ROCK1: variants seen among roughly 807,000 people sequenced by gnomAD.
ROCK1 encodes rho-associated protein kinase 1.
Under a neutral mutation model 196.8 loss-of-function variants are expected in ROCK1, and 36 were observed. The observed-to-expected ratio is 0.18, with a 90% CI of 0.14 to 0.24. ROCK1 has a LOEUF of 0.24. ROCK1 is among the 10% of genes least tolerant of loss of function. ROCK1 has a pLI of 1.00. For missense variants in ROCK1, 920 were observed against 1,562.0 expected (o/e 0.59, Z 6.93); for synonymous variants, 443 against 515.9 (o/e 0.86, Z 1.91).
intron 1 of ROCK1, among the ~76,000 whole-genome samples, chr18:21,072,799 G>A (rs1452209032): frequency 3.9e-5 from 6 of 152,082 alleles, no homozygotes; most frequent in South Asian, 2.1e-4. Context: ...GGCCAGGCAC[G>A]GTGGTTCACT....
intron 5 of ROCK1, among the ~76,000 whole-genome samples, chr18:21,044,620 C>T (rs78438607): frequency 6.6e-6 from 1 of 152,246 alleles, no homozygotes; most frequent in East Asian, 1.9e-4. Context: ...ACAAATGAAA[C>T]TATTCGTCTA....
chr18:21,016,026 T>TA (rs553707783), intron 12 of ROCK1, among the ~76,000 whole-genome samples: 56 of 151,960 alleles, frequency 3.7e-4, no homozygotes, highest in Non-Finnish European at 5.7e-4. Context: ...TAATAAACTT[T>TA]AAAAAAATAT....
chr18:20,975,696 C>T (rs548618541), intron 22 of ROCK1, among the ~76,000 whole-genome samples: 1 of 152,214 alleles, frequency 6.6e-6, no homozygotes, highest in East Asian at 1.9e-4. Context: ...CTGCAAGCTC[C>T]GCCTCCCAGG....
At chr18:21,060,746 GGA>G (rs1368182947) in intron 2 of ROCK1, among the ~76,000 whole-genome samples, 1 of 151,064 alleles carries the variant, frequency 6.6e-6, no homozygotes, top group Admixed American at 6.6e-5. Context: ...GGCTGAGGCA[GGA>G]GAACTGCTTG....
intron 22 of ROCK1, among the ~76,000 whole-genome samples, chr18:20,976,319 G>T (rs1358313457): frequency 1.3e-5 from 2 of 152,122 alleles, no homozygotes; most frequent in East Asian, 3.9e-4. Context: ...GAGTGGCTTT[G>T]TTCTTGTTCA....
At chr18:21,071,708 G>A (rs2036387312) in intron 1 of ROCK1, among the ~76,000 whole-genome samples, 1 of 152,008 alleles carries the variant, frequency 6.6e-6, no homozygotes, top group African/African-American at 2.4e-5. Flanking sequence ...AATGGTTTTT[G>A]CGTGATGCTT....
chr18:21,009,602 CAT>C (rs1465034908), intron 13 of ROCK1, among the ~76,000 whole-genome samples: 2 of 152,164 alleles, frequency 1.3e-5, no homozygotes, highest in African/African-American at 4.8e-5. Flanking sequence ...ATAGTAGGCA[CAT>C]GTTTAGTTTT....
At chr18:21,064,699 T>C (rs534717322) in intron 2 of ROCK1, among the ~76,000 whole-genome samples, 1 of 152,324 alleles carries the variant, frequency 6.6e-6, no homozygotes, top group Non-Finnish European at 1.5e-5. Context: ...TTTTAATAGA[T>C]TTATACTACT....
rs1315445817 is a variant in ROCK1, at chr18:20,959,937, A to C, written c.3424-9T>G. The C allele has an allele frequency of 6.5e-7, 1 of 1,542,362 alleles. No homozygotes were observed. The highest frequency in any genetic ancestry group is 1.7e-5 in the Admixed American group (1 of 57,826). On this transcript the variant is annotated splice_polypyrimidine_tract_variant and intron_variant, in intron 28 of 32. Coordinates refer to ENST00000399799, the MANE Select transcript of ROCK1 (RefSeq NM_005406.3). ...CTGCTTACCACAACATACTGAAATAAGAAAAAGGGGGGAAGAGTTACAAGA... is the reference window on the plus strand; with the variant it reads ...CTGCTTACCACAACATACTGAAATACGAAAAAGGGGGGAAGAGTTACAAGA...
chr18:21,103,815 T>C (rs1410469295), intron 1 of ROCK1, among the ~76,000 whole-genome samples: 3 of 152,194 alleles, frequency 2.0e-5, no homozygotes, highest in Non-Finnish European at 4.4e-5. Context: ...ATAGGGAAAC[T>C]GAAGCCTAGA....
chr18:21,110,743 G>A lies in ROCK1; in HGVS notation c.93+75C>T. 4 of 1,194,014 alleles carry A rather than the reference G, an allele frequency of 3.4e-6. No homozygotes were observed. The South Asian group carries it at 3.7e-5, about 11-fold the overall frequency. 74.0% of individuals were successfully genotyped at this position (1,194,014 alleles called of 1,614,324 possible). ...ATTATGCACACCTGAGACTTTTGCAGCGAACCAGACTAATGCAAGAGGAAG... is the reference window on the plus strand; with the variant it reads ...ATTATGCACACCTGAGACTTTTGCAACGAACCAGACTAATGCAAGAGGAAG... On this transcript the variant is annotated intron_variant, in intron 1 of 32. Transcript: ENST00000399799.
At chr18:21,065,667 C>T (rs1598549773) in intron 2 of ROCK1, among the ~76,000 whole-genome samples, 1 of 152,108 alleles carries the variant, frequency 6.6e-6, no homozygotes, top group Admixed American at 6.6e-5. Context: ...ACAACAATCG[C>T]TTAATTTTAT....
chr18:20,991,113 A>C, intron 18 of ROCK1, 63 bp downstream of exon 18: 1 of 1,463,902 alleles, frequency 6.8e-7, no homozygotes, highest in Non-Finnish European at 9.2e-7. Context: ...TTTGACCAAA[A>C]CCAAATTTTT....
Position 21,092,580 on chromosome 18 carries a change from T to TAAAAA in ROCK1, c.93+18233_93+18237dup, listed in dbSNP as rs35799573. Among the ~76,000 whole-genome samples, 54 of 81,104 alleles carry TAAAAA rather than the reference T, an allele frequency of 6.7e-4. 1 individual carries two copies. Among genetic ancestry groups the TAAAAA allele is most frequent in the African/African-American group, 2.3e-3 (44 of 19,300 alleles). The allele number at this position is 81,104 out of a possible 152,430, so 53.2% of individuals were successfully genotyped here. ...GCCTGGGTAAGCAAGACCTCATCTT[T>TAAAAA]AAAAAAAAAAAAAAAAAAAAAAAAC... On this transcript the variant is annotated intron_variant, in intron 1 of 32. Coordinates refer to ENST00000399799, the MANE Select transcript of ROCK1 (RefSeq NM_005406.3).
At chr18:21,057,094 T>C (rs2036250755) in intron 2 of ROCK1, among the ~76,000 whole-genome samples, 1 of 152,236 alleles carries the variant, frequency 6.6e-6, no homozygotes, top group Non-Finnish European at 1.5e-5. Flanking sequence ...ATTAGTTTTA[T>C]GCAAAATAAT....
intron 29 of ROCK1, among the ~76,000 whole-genome samples, chr18:20,959,051 TA>T (rs2035285506): frequency 1.7e-5 from 1 of 58,706 alleles, no homozygotes; most frequent in African/African-American, 1.3e-4. Flanking sequence ...ATATATAATA[TA>T]TATATTATAT....
chr18:20,952,784 CAA>C (rs890530446), intron 32 of ROCK1, among the ~76,000 whole-genome samples: 2 of 136,614 alleles, frequency 1.5e-5, no homozygotes. Context: ...TCTCAAAAAA[CAA>C]AAAAAAAAAG....
chr18:21,066,545 T>C (rs2143544961), intron 2 of ROCK1, among the ~76,000 whole-genome samples: 1 of 152,326 alleles, frequency 6.6e-6, no homozygotes, highest in South Asian at 2.1e-4. Context: ...CATATACTCA[T>C]GTAATCATCA....
At chr18:21,096,122 G>A (rs1347401785) in intron 1 of ROCK1, among the ~76,000 whole-genome samples, 1 of 151,758 alleles carries the variant, frequency 6.6e-6, no homozygotes, top group Non-Finnish European at 1.5e-5. Flanking sequence ...AACATCACAT[G>A]TACCCCATAA....
Sources: gnomAD v4.1 joint callset for allele counts (sites outside exome capture counted in the v4.1 genomes callset) on GRCh38, gnomAD v4.1.1 for gene constraint, MANE v1.5 for transcripts, NCBI Gene and HGNC (gene_info 2026-07-23, HGNC 2026-07-21) for gene names.